The following RAPGEF4 variants were observed in gnomAD, a reference collection of about 807,000 sequenced individuals.
The protein encoded by RAPGEF4 is Rap guanine nucleotide exchange factor 4.
A neutral mutation model predicts 147.9 loss-of-function variants in RAPGEF4; 66 were observed. That is an observed-to-expected ratio of 0.45 (90% CI 0.37 to 0.55). The LOEUF is 0.55. Among genes scored for constraint, RAPGEF4 ranks in the 20% least tolerant of loss-of-function variants. The probability of loss-of-function intolerance (pLI) is 0.00; values close to 1 mark genes in which losing one functional copy is unlikely to be tolerated. For synonymous variants in RAPGEF4, 419 were observed against 442.7 expected, an observed-to-expected ratio of 0.95 and a Z score of 0.67; for missense variants, 1,071 against 1,257.3, an observed-to-expected ratio of 0.85 and a Z score of 2.24.
At chr2:172,773,017 G>A (rs1157003992) in intron 1 of RAPGEF4, among the ~76,000 whole-genome samples, 6 of 152,064 alleles carry the variant, frequency 3.9e-5, no homozygotes, top group Non-Finnish European at 8.8e-5. Flanking sequence ...GTGAATGACT[G>A]GATTATTCTC....
intron 6 of RAPGEF4, among the ~76,000 whole-genome samples, chr2:172,958,705 A>G (rs907469738): frequency 1.3e-5 from 2 of 152,248 alleles, no homozygotes; most frequent in Non-Finnish European, 2.9e-5. Context: ...TCTGTGCTAC[A>G]GTGATTTCAA....
intron 4 of RAPGEF4, chr2:172,821,606 C>A: frequency 1.0e-6 from 1 of 999,450 alleles, no homozygotes; most frequent in Non-Finnish European, 1.2e-6. Context: ...CAAGCGGAAG[C>A]CTGCTTCGAT....
At chr2:172,875,375 T>C (rs957258753) in intron 4 of RAPGEF4, among the ~76,000 whole-genome samples, 23 of 152,134 alleles carry the variant, frequency 1.5e-4, no homozygotes, top group Non-Finnish European at 1.6e-4. Context: ...GTTTTTATGG[T>C]TTTAGGTCTA....
chr2:173,038,088 C>T (rs551724352), intron 29 of RAPGEF4, among the ~76,000 whole-genome samples: 55 of 152,312 alleles, frequency 3.6e-4, no homozygotes, highest in African/African-American at 1.1e-3. Context: ...CGAGTACACA[C>T]TCCTCAAAGA....
chr2:172,857,170 G>A (rs906734788), intron 4 of RAPGEF4, among the ~76,000 whole-genome samples: 8 of 115,130 alleles, frequency 6.9e-5, no homozygotes, highest in Admixed American at 1.9e-4. Flanking sequence ...GCGCGTGTGC[G>A]CGCGCACACA....
At chr2:172,995,208 G>A (rs767267302) in intron 15 of RAPGEF4, among the ~76,000 whole-genome samples, 12 of 151,612 alleles carry the variant, frequency 7.9e-5, no homozygotes, top group Non-Finnish European at 4.4e-5. Flanking sequence ...CTGAACATTA[G>A]ACAATTTTAT....
intron 23 of RAPGEF4, among the ~76,000 whole-genome samples, chr2:173,024,142 C>T (rs1696401011): frequency 6.6e-6 from 1 of 152,144 alleles, no homozygotes. Flanking sequence ...AACAGTATTT[C>T]GCTCCTACAT....
chr2:172,952,038 T>G (rs1386864991), intron 6 of RAPGEF4, among the ~76,000 whole-genome samples: 4 of 152,154 alleles, frequency 2.6e-5, no homozygotes, highest in African/African-American at 9.7e-5. Context: ...ATTTTTAATT[T>G]AAATGAAAAT....
At chr2:172,973,238 G>A (rs373600853) in intron 10 of RAPGEF4, among the ~76,000 whole-genome samples, 5 of 150,794 alleles carry the variant, frequency 3.3e-5, no homozygotes, top group South Asian at 4.2e-4. Context: ...TCAGCCTCCC[G>A]AGTAGCTGGA....
intron 6 of RAPGEF4, among the ~76,000 whole-genome samples, chr2:172,951,274 C>T (rs1379226604): frequency 6.6e-6 from 1 of 152,204 alleles, no homozygotes; most frequent in Non-Finnish European, 1.5e-5. Flanking sequence ...CTCCCAACAT[C>T]CCTTCATATA....
chr2:172,965,173 GGAGA>G, intron 8 of RAPGEF4: 1 of 209,724 alleles, frequency 4.8e-6, no homozygotes, highest in Admixed American at 5.2e-5. Context: ...AGACTCAGGT[GGAGA>G]GAGTCAGTAT....
chr2:172,787,256 ATT>A (rs1381204253), intron 1 of RAPGEF4, among the ~76,000 whole-genome samples: 1 of 152,144 alleles, frequency 6.6e-6, no homozygotes, highest in Non-Finnish European at 1.5e-5. Flanking sequence ...TCCTTTTAAG[ATT>A]ATCAATACAT....
intron 4 of RAPGEF4, among the ~76,000 whole-genome samples, chr2:172,862,083 A>G (rs990465890): frequency 2.6e-5 from 4 of 152,216 alleles, no homozygotes; most frequent in Non-Finnish European, 4.4e-5. Flanking sequence ...AAAACCAAAG[A>G]CAAAGTGGTA....
intron 17 of RAPGEF4, among the ~76,000 whole-genome samples, chr2:173,006,285 T>C (rs1406370220): frequency 6.6e-6 from 1 of 152,216 alleles, no homozygotes; most frequent in African/African-American, 2.4e-5. Context: ...CAATAGATTA[T>C]CTTTTTATGT....
chr2:172,953,769 G>A (rs1688456366), intron 6 of RAPGEF4, among the ~76,000 whole-genome samples: 1 of 152,128 alleles, frequency 6.6e-6, no homozygotes, highest in African/African-American at 2.4e-5. Flanking sequence ...CGGTGGGGTG[G>A]GGGTGTGAGG....
intron 1 of RAPGEF4, among the ~76,000 whole-genome samples, chr2:172,756,412 T>G (rs1013220487): frequency 6.6e-6 from 1 of 152,218 alleles, no homozygotes; most frequent in African/African-American, 2.4e-5. Context: ...GCTCCCACTC[T>G]TAGCTTTCAC....
At chr2:172,806,999 C>T (rs1687561822) in intron 3 of RAPGEF4, among the ~76,000 whole-genome samples, 1 of 152,166 alleles carries the variant, frequency 6.6e-6, no homozygotes, top group African/African-American at 2.4e-5. Flanking sequence ...ACTCATTTCA[C>T]TCCGTTATTT....
chr2:172,861,909 G>A (rs1694091438), intron 4 of RAPGEF4, among the ~76,000 whole-genome samples: 1 of 152,210 alleles, frequency 6.6e-6, no homozygotes, highest in South Asian at 2.1e-4. Context: ...ACTTGTCCTT[G>A]TTTGCCAAAA....
At chr2:172,817,169 A>G (rs1185382202) in intron 4 of RAPGEF4, among the ~76,000 whole-genome samples, 1 of 152,208 alleles carries the variant, frequency 6.6e-6, no homozygotes, top group Non-Finnish European at 1.5e-5. Context: ...ATATAGTCAG[A>G]TGTTCGTATG....
Sources: gnomAD v4.1 joint callset for allele counts (sites outside exome capture counted in the v4.1 genomes callset) on GRCh38, gnomAD v4.1.1 for gene constraint, MANE v1.5 for transcripts, NCBI Gene and HGNC (gene_info 2026-07-23, HGNC 2026-07-21) for gene names.